PSMG2: variants seen among roughly 807,000 people sequenced by gnomAD.
PSMG2 encodes the protein proteasome assembly chaperone 2.
PSMG2 carries 21 observed loss-of-function variants against 31.5 expected under a neutral mutation model. The observed-to-expected ratio is 0.67, with a 90% confidence interval of 0.47 to 0.96. The LOEUF (loss-of-function observed/expected upper bound fraction) is 0.96, where lower values mean the gene tolerates loss of function less well. Among genes scored for constraint, PSMG2 ranks in the 40% least tolerant of loss-of-function variants. PSMG2 has a pLI of 0.00. For missense variants in PSMG2, 318 were observed against 321.2 expected (o/e 0.99, Z 0.08); for synonymous variants, 120 against 110.4 (o/e 1.09, Z -0.54).
At chr18:12,714,865 C>T (rs1410610531) in intron 3 of PSMG2, among the ~76,000 whole-genome samples, 5 of 151,624 alleles carry the variant, frequency 3.3e-5, no homozygotes, top group African/African-American at 4.9e-5. Context: ...CCATTGTGCC[C>T]GGCTAAGTTT....
At chr18:12,702,759 A>G, upstream of PSMG2, 2 of 585,584 alleles carry the variant, frequency 3.4e-6, no homozygotes, top group Non-Finnish European at 5.9e-6. Flanking sequence ...CTGTTTTCAA[A>G]CAGTGGCGGA....
chr18:12,712,271 C>T (rs2040339131), intron 2 of PSMG2, among the ~76,000 whole-genome samples: 1 of 152,298 alleles, frequency 6.6e-6, no homozygotes, highest in South Asian at 2.1e-4. Flanking sequence ...GGCTAACATT[C>T]TCCTACCTTT....
At chr18:12,678,442 C>T (rs1437447834) in intron 1 of PSMG2, 3 of 1,558,088 alleles carry the variant, frequency 1.9e-6, no homozygotes, top group Non-Finnish European at 2.6e-6. Flanking sequence ...TATGGATGTA[C>T]CTAAAAAAAT....
At chr18:12,703,408 T>C (rs1034984659) in intron 1 of PSMG2, among the ~76,000 whole-genome samples, 1 of 152,226 alleles carries the variant, frequency 6.6e-6, no homozygotes, top group Non-Finnish European at 1.5e-5. Flanking sequence ...TAAAACGTGA[T>C]GTGTTCGTAC....
At chr18:12,707,511 A>G (rs981318601) in intron 2 of PSMG2, among the ~76,000 whole-genome samples, 1 of 152,230 alleles carries the variant, frequency 6.6e-6, no homozygotes, top group African/African-American at 2.4e-5. Context: ...TAAGGCTCAA[A>G]GAGATTGACT....
chr18:12,674,304 T>TCAC (rs1031439754), intron 1 of PSMG2, among the ~76,000 whole-genome samples: 2 of 151,902 alleles, frequency 1.3e-5, no homozygotes, highest in Non-Finnish European at 2.9e-5. Context: ...TAGCCAGGTA[T>TCAC]GGTGGCACAT....
intron 1 of PSMG2, among the ~76,000 whole-genome samples, chr18:12,680,052 CAA>C (rs560841557): frequency 1.4e-4 from 12 of 87,368 alleles, no homozygotes; most frequent in Admixed American, 5.2e-4. Flanking sequence ...TGAGACACTG[CAA>C]AAAAAAAAAA....
At chr18:12,676,829 G>C (rs935773845) in intron 1 of PSMG2, among the ~76,000 whole-genome samples, 1 of 152,184 alleles carries the variant, frequency 6.6e-6, no homozygotes, top group African/African-American at 2.4e-5. Flanking sequence ...AAAGCTAAGA[G>C]TAACTGGGAA....
At chr18:12,701,888 T>G (rs907382336), upstream of PSMG2, among the ~76,000 whole-genome samples, 1 of 152,104 alleles carries the variant, frequency 6.6e-6, no homozygotes, top group Non-Finnish European at 1.5e-5. Flanking sequence ...CCCAGCACTT[T>G]AGGAGGCCGA....
chr18:12,659,678 AAAT>A (rs1875763154), intron 1 of PSMG2, among the ~76,000 whole-genome samples: 1 of 152,172 alleles, frequency 6.6e-6, no homozygotes, highest in Non-Finnish European at 1.5e-5. Context: ...TCAAAAAAAT[AAAT>A]AATAAATTGA....
At chr18:12,718,736 C>T (rs2040401836) in intron 4 of PSMG2, 101 bp downstream of exon 4, 2 of 771,900 alleles carry the variant, frequency 2.6e-6, no homozygotes, top group Non-Finnish European at 4.0e-6. Flanking sequence ...ATCCTTACCT[C>T]TTCTTACTGG....
chr18:12,718,501 T>A lies in PSMG2; in HGVS notation c.289-16T>A. On this transcript the variant is annotated splice_polypyrimidine_tract_variant and intron_variant, in intron 3 of 6. Transcript: ENST00000317615. ...ACTTTTAGATTTTCTTTTTATTCTC[T>A]CAATGGTGTGCAAAGTATAAATCAA... is the stretch of plus-strand genomic sequence containing the variant. The A allele has an allele frequency of 6.5e-7, 1 of 1,535,622 alleles. No homozygotes were observed. The highest frequency in any genetic ancestry group is 2.3e-5 in the East Asian group (1 of 44,346).
intron 1 of PSMG2, among the ~76,000 whole-genome samples, chr18:12,671,637 ACTTT>A (rs141904842): frequency 0.19 from 22,022 of 118,898 alleles, 2,585 homozygotes; most frequent in Non-Finnish European, 0.24. Flanking sequence ...CAGGTTTCAC[ACTTT>A]CTTTTTTTTT....
At chr18:12,702,329 G>A (rs964119752), upstream of PSMG2, 4 of 594,174 alleles carry the variant, frequency 6.7e-6, no homozygotes, top group Non-Finnish European at 1.2e-5. Context: ...ACGCTCTCCT[G>A]CCTCAAACTC....
intron 1 of PSMG2, chr18:12,662,118 C>A: frequency 2.2e-6 from 1 of 447,946 alleles, no homozygotes; most frequent in South Asian, 1.6e-5. Flanking sequence ...ACTGTGCAGC[C>A]CAAGCTTTTC....
intron 1 of PSMG2, chr18:12,672,940 T>C (rs1395058767): frequency 2.0e-5 from 20 of 982,804 alleles, no homozygotes; most frequent in Non-Finnish European, 2.3e-5. Context: ...ATGAGGTTAA[T>C]TTCTCCTAAT....
chr18:12,704,982 A>T (rs1188058732), intron 1 of PSMG2, among the ~76,000 whole-genome samples: 1 of 152,210 alleles, frequency 6.6e-6, no homozygotes, highest in African/African-American at 2.4e-5. Context: ...TACTTGGGGG[A>T]TAGCCTCAAT....
At chr18:12,666,836 A>G (rs2038814466) in intron 1 of PSMG2, among the ~76,000 whole-genome samples, 2 of 152,134 alleles carry the variant, frequency 1.3e-5, no homozygotes, top group Admixed American at 6.6e-5. Context: ...GATTCTTCCA[A>G]TCAGGTTTAT....
upstream of PSMG2, among the ~76,000 whole-genome samples, chr18:12,702,271 G>C (rs56904159): frequency 1.2e-4 from 19 of 152,314 alleles, no homozygotes; most frequent in African/African-American, 4.6e-4. Flanking sequence ...TATCGCCCCA[G>C]ACTCTTGCTA....
Sources: gnomAD v4.1 joint callset for allele counts (sites outside exome capture counted in the v4.1 genomes callset) on GRCh38, gnomAD v4.1.1 for gene constraint, MANE v1.5 for transcripts, NCBI Gene and HGNC (gene_info 2026-07-23, HGNC 2026-07-21) for gene names.